The following UNC79 variants were observed in gnomAD, a reference collection of about 807,000 sequenced individuals.
UNC79 encodes protein unc-79 homolog.
UNC79 carries 37 observed loss-of-function variants against 283.1 expected under a neutral mutation model. That is an observed-to-expected ratio of 0.13 (90% CI 0.10 to 0.17). The LOEUF is 0.17. Among genes scored for constraint, UNC79 ranks in the 10% least tolerant of loss-of-function variants. The pLI is 1.00. For synonymous variants in UNC79, 1,107 were observed against 1,200.2 expected, an observed-to-expected ratio of 0.92 and a Z score of 1.61; for missense variants, 2,272 against 3,211.1, an observed-to-expected ratio of 0.71 and a Z score of 7.07.
At chr14:93,556,852 C>T (rs1018694382) in intron 14 of UNC79, among the ~76,000 whole-genome samples, 2 of 152,144 alleles carry the variant, frequency 1.3e-5, no homozygotes, top group African/African-American at 4.8e-5. Context: ...AATTTCCAGA[C>T]CATTGCCTGG....
intron 1 of UNC79, among the ~76,000 whole-genome samples, chr14:93,383,972 C>T (rs2054717245): frequency 6.6e-6 from 1 of 152,160 alleles, no homozygotes; most frequent in South Asian, 2.1e-4. Flanking sequence ...TTACCTTCTG[C>T]CATGATTGTG....
At chr14:93,639,667 A>G (rs2068842606) in intron 32 of UNC79, among the ~76,000 whole-genome samples, 1 of 152,204 alleles carries the variant, frequency 6.6e-6, no homozygotes, top group Non-Finnish European at 1.5e-5. Flanking sequence ...TTTCCTTTGC[A>G]GTTTGGATTT....
At position 93,690,604 on chromosome 14, in the gene UNC79, A is replaced by T. The variant is rs1376013593; in HGVS notation, c.7272+301A>T. 1.3e-5 allele frequency: 4 copies of T among 306,002 alleles called. No individual in the cohort carries two copies. In the Admixed American group the frequency reaches 1.9e-4, roughly 14 times the overall value. The allele number at this position is 306,002 out of a possible 1,614,324, so 19.0% of individuals were successfully genotyped here. A position where few individuals can be genotyped will look rare whatever the true frequency, so the allele number is the denominator to read the frequency against. On this transcript the variant is annotated intron_variant, in intron 45 of 48. Transcript: ENST00000555664. The surrounding 1 kb of genome is among the most constrained non-coding windows in gnomAD (Gnocchi z 4.3). ...TAATGAAGAGAAATAAAAGGCTAGA[A>T]ATATAATCAAAATTCTGTGATCAGT... is the stretch of plus-strand genomic sequence containing the variant.
In UNC79 at chr14:93,497,150, C is replaced by T. The variant is rs759686103; in HGVS notation, c.769-7C>T. On this transcript the variant is annotated splice_polypyrimidine_tract_variant and splice_region_variant and intron_variant, in intron 6 of 48. Transcript: ENST00000555664. ...CTAAGTCAAAATATGCTTGCTGTTT[C>T]CTTTAGGATCTTTTGTATGTGATTG... 40 of 1,606,544 alleles carry T rather than the reference C, an allele frequency of 2.5e-5. No homozygotes were observed. The highest frequency in any genetic ancestry group is 2.3e-4 in the South Asian group (21 of 89,718).
intron 12 of UNC79, among the ~76,000 whole-genome samples, chr14:93,539,796 T>C (rs530751330): frequency 6.6e-6 from 1 of 152,334 alleles, no homozygotes; most frequent in South Asian, 2.1e-4. Flanking sequence ...GTATCCACAA[T>C]TCTTTTTGAA....
chr14:93,397,961 T>C (rs2055032117), intron 1 of UNC79, among the ~76,000 whole-genome samples: 3 of 152,136 alleles, frequency 2.0e-5, no homozygotes, highest in African/African-American at 7.2e-5. Flanking sequence ...AGTGAATAAA[T>C]GATGTCTGAA....
chr14:93,529,250 A>G (rs773865831), intron 9 of UNC79, 36 bp from the exon 10 acceptor site: 5 of 1,611,334 alleles, frequency 3.1e-6, no homozygotes, highest in South Asian at 2.2e-5. Flanking sequence ...GAACATTTCA[A>G]TGAAGCTCAA....
chr14:93,372,882 A>G (rs182000703), intron 1 of UNC79, among the ~76,000 whole-genome samples: 2 of 152,330 alleles, frequency 1.3e-5, no homozygotes, highest in African/African-American at 4.8e-5. Context: ...CAAGGTCACA[A>G]GGGACATTCA....
At chr14:93,452,076 C>T (rs1459038200) in intron 1 of UNC79, among the ~76,000 whole-genome samples, 1 of 152,210 alleles carries the variant, frequency 6.6e-6, no homozygotes, top group Non-Finnish European at 1.5e-5. Context: ...ATCTTCTCAT[C>T]CTTCATGTCT....
chr14:93,660,696 T>TGCAGC (rs1168014747), intron 39 of UNC79, among the ~76,000 whole-genome samples: 1 of 151,306 alleles, frequency 6.6e-6, no homozygotes, highest in East Asian at 1.9e-4. Context: ...TTCAAACAAT[T>TGCAGC]CTCCCTGCCT....
chr14:93,429,718 AC>A, upstream of UNC79, among the ~76,000 whole-genome samples: 1 of 139,460 alleles, frequency 7.2e-6, no homozygotes, highest in African/African-American at 2.7e-5. Flanking sequence ...TGTAACTTTT[AC>A]TAAATTAACC....
chr14:93,572,447 G>T (rs147310370), intron 15 of UNC79, among the ~76,000 whole-genome samples: 1 of 152,314 alleles, frequency 6.6e-6, no homozygotes, highest in East Asian at 1.9e-4. Context: ...AATTCCTTCT[G>T]TTAAACCTAA....
intron 47 of UNC79, among the ~76,000 whole-genome samples, chr14:93,702,400 G>A (rs1044004905): frequency 6.6e-6 from 1 of 152,176 alleles, no homozygotes; most frequent in Non-Finnish European, 1.5e-5. Context: ...GTGTTAGCTA[G>A]CTGCAACAGA....
intron 1 of UNC79, among the ~76,000 whole-genome samples, chr14:93,385,214 T>G (rs949835974): frequency 4.6e-5 from 7 of 152,190 alleles, no homozygotes; most frequent in Non-Finnish European, 7.3e-5. Flanking sequence ...AGACTATCAT[T>G]GGTATTTTGA....
intron 47 of UNC79, among the ~76,000 whole-genome samples, chr14:93,699,365 A>T (rs1340809635): frequency 6.6e-6 from 1 of 152,194 alleles, no homozygotes; most frequent in Non-Finnish European, 1.5e-5. Flanking sequence ...GATGGCAACT[A>T]AGATAATTAA....
At chr14:93,634,616 A>T (rs2068349746) in intron 31 of UNC79, 1 of 1,613,910 alleles carries the variant, frequency 6.2e-7, no homozygotes, top group Non-Finnish European at 8.5e-7. Flanking sequence ...CGCCCCCCAT[A>T]ACATCAGCAA....
Position 93,582,771 on chromosome 14 carries a change from G to A in UNC79, c.2803+427G>A, listed in dbSNP as rs181856165. Among the ~76,000 whole-genome samples, 744 of 152,244 alleles carry A rather than the reference G, an allele frequency of 4.9e-3. 7 individuals are homozygous for A. The highest frequency in any genetic ancestry group is 0.016 in the African/African-American group (675 of 41,534). On this transcript the variant is annotated intron_variant, in intron 20 of 48. Transcript: ENST00000555664. ...GCTGGCTCTTAGCTGGGACTGGGGAGCAGCCACTTTTTCATTTGTCTCAAA... is the reference window on the plus strand; with the variant it reads ...GCTGGCTCTTAGCTGGGACTGGGGAACAGCCACTTTTTCATTTGTCTCAAA...
rs983584585 is a variant in UNC79 at position 93,614,807 on chromosome 14, T to A, written c.4041+1724T>A. On this transcript the variant is annotated intron_variant, in intron 27 of 48. Transcript: ENST00000555664. Reference sequence around the variant, plus strand: ...GTGGACAGACACCATACTTTACTCATCCATTCCCCTAGTTATGGACTCATA... The same window carrying A: ...GTGGACAGACACCATACTTTACTCAACCATTCCCCTAGTTATGGACTCATA... Among the ~76,000 whole-genome samples, 3 of 152,270 alleles carry A rather than the reference T, an allele frequency of 2.0e-5. No individual in the cohort carries two copies. The South Asian group carries it at 6.2e-4, about 32-fold the overall frequency.
At chr14:93,402,172 G>A (rs908253487) in intron 1 of UNC79, among the ~76,000 whole-genome samples, 5 of 151,008 alleles carry the variant, frequency 3.3e-5, no homozygotes, top group African/African-American at 1.2e-4. Flanking sequence ...AGCTACTTGG[G>A]AGGCTGAGGC....
Sources: gnomAD v4.1 joint callset for allele counts (sites outside exome capture counted in the v4.1 genomes callset) on GRCh38, gnomAD v4.1.1 for gene constraint, Gnocchi (gnomAD v3.1) non-coding constraint, MANE v1.5 for transcripts, NCBI Gene and HGNC (gene_info 2026-07-23, HGNC 2026-07-21) for gene names.